WDR74: variants seen among roughly 807,000 people sequenced by gnomAD.
WDR74 encodes WD repeat-containing protein 74.
WDR74 carries 31 observed loss-of-function variants against 45.6 expected under a neutral mutation model. The observed-to-expected ratio is 0.68, with a 90% CI of 0.51 to 0.92. The LOEUF (loss-of-function observed/expected upper bound fraction) is 0.92. Among genes scored for constraint, WDR74 ranks in the 40% least tolerant of loss-of-function variants. The pLI is 0.00. For missense variants in WDR74, 455 were observed against 497.2 expected, an observed-to-expected ratio of 0.92 and a Z score of 0.81; for synonymous variants, 191 against 192.4, an observed-to-expected ratio of 0.99 and a Z score of 0.06.
At chr11:62,838,312 C>T (rs1263369623) in intron 3 of WDR74, among the ~76,000 whole-genome samples, 1 of 151,914 alleles carries the variant, frequency 6.6e-6, no homozygotes, top group Admixed American at 6.6e-5. Context: ...GCCACCACAC[C>T]CGGATAATTT....
chr11:62,835,698 C>T lies in WDR74; in HGVS notation c.513G>A (p.Lys171=), dbSNP rs774335584. ...CCTTCACACTCTTGTCACTCACGTT[C>T]TTGGCCCTGAACACAGGTTCCTCAG... ...QGSEEPVFRA[K]NVRNDWLDLR... The change falls in exon 5 of 11, where the codon AAG becomes AAA. Residue 171 remains lysine, a synonymous_variant. Transcript: ENST00000278856. 1.1e-5 allele frequency: 17 copies of T among 1,613,866 alleles called. No homozygotes were observed. In the Admixed American group the frequency reaches 1.5e-4, roughly 14 times the overall value.
intron 10 of WDR74, 64 bp downstream of exon 10, chr11:62,833,554 T>A: frequency 6.5e-7 from 1 of 1,533,336 alleles, no homozygotes. Context: ...CTCCTTTTCC[T>A]CTCCATAGGG....
At chr11:62,840,066 ATC>A (rs1358325763), upstream of WDR74, 2 of 153,942 alleles carry the variant, frequency 1.3e-5, no homozygotes, top group African/African-American at 4.8e-5. Context: ...CAATGGCGCG[ATC>A]TCCTCTCACC....
chr11:62,834,281 C>T lies in WDR74; in HGVS notation c.770G>A (p.Arg257Gln), dbSNP rs1404980324. ...ATGTACCCTAGTCCACTCACCTTGC[C>T]GAAGGTCAATTTCTGCCAGCTGCCC... is the stretch of plus-strand genomic sequence containing the variant. ...THGQLAEIDL[R>Q]QGRLLGCLKG... Residue 257 changes from arginine to glutamine, a missense_variant, in exon 8 of 11, where the codon CGG becomes CAG. Coordinates refer to ENST00000278856, the MANE Select transcript of WDR74 (RefSeq NM_001369450.1). The T allele has an allele frequency of 4.3e-6, 7 of 1,613,918 alleles. No individual in the cohort carries two copies. The East Asian group carries it at 1.1e-4, about 26-fold the overall frequency.
chr11:62,835,231 C>T, intron 6 of WDR74, 200 bp downstream of exon 6: 7 of 578,376 alleles, frequency 1.2e-5, no homozygotes, highest in South Asian at 8.5e-5. Context: ...GGGAGGAAAA[C>T]AGGCATAGTT....
At chr11:62,837,389 C>G (rs1054881349) in intron 3 of WDR74, among the ~76,000 whole-genome samples, 2 of 151,114 alleles carry the variant, frequency 1.3e-5, no homozygotes, top group African/African-American at 4.9e-5. Flanking sequence ...CCCAGCTACT[C>G]AGGAGGCTGA....
At chr11:62,839,648 G>A, upstream of WDR74, 1 of 1,505,142 alleles carries the variant, frequency 6.6e-7, no homozygotes, top group Non-Finnish European at 8.9e-7. Context: ...CCGATGCAGC[G>A]CAGTGTAGTT....
Position 62,835,992 on chromosome 11 carries a change from T to C in WDR74, c.338A>G (p.His113Arg), listed in dbSNP as rs1179557981. 7 of 1,597,832 alleles carry C rather than the reference T, an allele frequency of 4.4e-6. No individual in the cohort carries two copies. Among genetic ancestry groups the C allele is most frequent in the Non-Finnish European group, 6.0e-6 (7 of 1,172,150 alleles). ...AGAGGATGTGTCCTTGTCCTTGTCA[T>C]GCCAGACTCTGAGAATCCCAGAATC... Reference protein sequence around the residue: ...CVDSGILRVWHDKDKDTSSDP... With the variant: ...CVDSGILRVWRDKDKDTSSDP... Residue 113 changes from histidine (H) to arginine (R), a missense_variant, in exon 4 of 11, where the codon CAT (histidine) becomes CGT (arginine). Transcript: ENST00000278856.
chr11:62,841,443 T>C (rs1352320619), upstream of WDR74: 2 of 152,216 alleles, frequency 1.3e-5, no homozygotes, highest in African/African-American at 2.4e-5. Flanking sequence ...GATACTACGC[T>C]CCGTGCTCAG....
chr11:62,836,505 A>G (rs1192228804), intron 3 of WDR74: 1 of 164,140 alleles, frequency 6.1e-6, no homozygotes, highest in Non-Finnish European at 1.3e-5. Flanking sequence ...AAAGTCAAAC[A>G]CCAACTTCTT....
At chr11:62,839,692 T>G, upstream of WDR74, 7 of 1,226,274 alleles carry the variant, frequency 5.7e-6, no homozygotes, top group Non-Finnish European at 1.1e-6. Context: ...CAGTAAAGCT[T>G]CCATGCTTGT....
upstream of WDR74, chr11:62,841,728 C>A (rs534780060): frequency 6.6e-6 from 1 of 152,182 alleles, no homozygotes; most frequent in Non-Finnish European, 1.5e-5. Flanking sequence ...AATATATTGT[C>A]CTCGGATAGA....
chr11:62,833,476 A>C, intron 10 of WDR74, 142 bp downstream of exon 10: 1 of 1,036,246 alleles, frequency 9.7e-7, no homozygotes, highest in Non-Finnish European at 1.4e-6. Context: ...TTTAACTGTT[A>C]ATGCCTCTCA....
At chr11:62,837,828 C>T (rs1245325005) in intron 3 of WDR74, among the ~76,000 whole-genome samples, 1 of 152,252 alleles carries the variant, frequency 6.6e-6, no homozygotes, top group Non-Finnish European at 1.5e-5. Context: ...AACCACTTAG[C>T]ACCTTCCTAA....
At chr11:62,833,260 C>T in intron 10 of WDR74, 129 bp from the exon 11 acceptor site, 1 of 475,246 alleles carries the variant, frequency 2.1e-6, no homozygotes, top group South Asian at 2.5e-5. Flanking sequence ...CCAGACTGGG[C>T]AACATAAGGA....
chr11:62,834,948 G>A (rs1194118946), intron 6 of WDR74: 4 of 223,446 alleles, frequency 1.8e-5, no homozygotes, highest in Non-Finnish European at 3.6e-5. Context: ...CAGAAGCAAA[G>A]AAAATAGGAC....
Position 62,833,645 on chromosome 11 carries a change from G to A in WDR74, c.951C>T (p.Leu317=), listed in dbSNP as rs1214525815. Residue 317 remains leucine (L), a synonymous_variant, in exon 10 of 11, where the codon CTC becomes CTT. Coordinates refer to ENST00000278856, the MANE Select transcript of WDR74 (RefSeq NM_001369450.1). ...CCCAGTTGTCCCTGCCTGACAAGAG[G>A]AGGCAGTTCAATTGAGACTTGAGAT... ...KVYLKSQLNC[L]LLSGRDNWED... 5 of 1,553,058 alleles carry A rather than the reference G, an allele frequency of 3.2e-6. No individual in the cohort carries two copies. Among genetic ancestry groups the A allele is most frequent in the Non-Finnish European group, 2.6e-6 (3 of 1,147,710 alleles).
chr11:62,839,070 C>T lies in WDR74; in HGVS notation c.293+44G>A, dbSNP rs200389987. ...TTCCAGTATCCTCAGGGAGCATCAA[C>T]GCTCTCCCTTCGGCCCTGAGTTTAG... On this transcript the variant is annotated intron_variant, in intron 3 of 10. Coordinates refer to ENST00000278856, the MANE Select transcript of WDR74 (RefSeq NM_001369450.1). 12 of 1,608,810 alleles carry T rather than the reference C, an allele frequency of 7.5e-6. No individual in the cohort carries two copies. The South Asian group carries it at 1.1e-4, about 15-fold the overall frequency.
intron 3 of WDR74, among the ~76,000 whole-genome samples, chr11:62,838,749 A>G (rs2084996847): frequency 6.7e-6 from 1 of 148,670 alleles, no homozygotes. Context: ...CAAGAGCGAA[A>G]ACTCCGTCTC....
Sources: allele counts gnomAD v4.1 joint callset (sites outside exome capture counted in the v4.1 genomes callset), GRCh38; gene constraint gnomAD v4.1.1; transcripts MANE v1.5; gene names NCBI Gene and HGNC (gene_info 2026-07-23, HGNC 2026-07-21).